CNTN5: variants seen among roughly 807,000 people sequenced by gnomAD.
CNTN5 encodes the protein contactin-5.
CNTN5 carries 77 observed loss-of-function variants against 129.1 expected under a neutral mutation model. The observed-to-expected ratio is 0.60, with a 90% CI of 0.50 to 0.72. CNTN5 has a LOEUF of 0.72. Ranked by LOEUF, CNTN5 falls within the 30% of genes least tolerant of loss-of-function variation. CNTN5 has a pLI of 0.00. For synonymous variants in CNTN5, 509 were observed against 465.6 expected, an observed-to-expected ratio of 1.09 and a Z score of -1.20; for missense variants, 1,478 against 1,328.8, an observed-to-expected ratio of 1.11 and a Z score of -1.75.
chr11:99,635,428 C>T (rs778961615), intron 3 of CNTN5, among the ~76,000 whole-genome samples: 38 of 152,182 alleles, frequency 2.5e-4, no homozygotes, highest in African/African-American at 7.5e-4. Context: ...ACAGCCTGGA[C>T]AGCGTAGAGC....
At chr11:100,180,341 C>CA (rs925328515) in intron 13 of CNTN5, among the ~76,000 whole-genome samples, 3 of 151,622 alleles carry the variant, frequency 2.0e-5, no homozygotes, top group African/African-American at 4.8e-5. Flanking sequence ...TTGACAAAAG[C>CA]AAAAAAGTAA....
At position 99,981,727 on chromosome 11, in the gene CNTN5, A is replaced by G. The variant is rs1285498590; in HGVS notation, c.878-20307A>G. 2.0e-5 allele frequency among the ~76,000 whole-genome samples: 3 copies of G among 152,328 alleles called. No homozygotes were observed. In the South Asian group the frequency reaches 6.2e-4, roughly 32 times the overall value. ...GATGTCTTCCTGGTCCTGAGTAATT[A>G]TAAATTCTTTAATGTATTTGAGGAT... On this transcript the variant is annotated intron_variant, in intron 8 of 24. Coordinates refer to ENST00000524871, the MANE Select transcript of CNTN5 (RefSeq NM_014361.4).
At chr11:99,400,762 A>G (rs1159142152) in intron 2 of CNTN5, among the ~76,000 whole-genome samples, 3 of 152,114 alleles carry the variant, frequency 2.0e-5, no homozygotes, top group Non-Finnish European at 4.4e-5. Context: ...TCTTTTGGAT[A>G]TAAGCCATTT....
At chr11:99,968,614 GTT>G (rs1951159518) in intron 8 of CNTN5, among the ~76,000 whole-genome samples, 1 of 114,860 alleles carries the variant, frequency 8.7e-6, no homozygotes, top group South Asian at 3.0e-4. Context: ...TGATTAGTCT[GTT>G]TATCATAAAG....
intron 9 of CNTN5, among the ~76,000 whole-genome samples, chr11:100,028,376 G>A (rs61910094): frequency 0.071 from 10,733 of 152,120 alleles, 481 homozygotes; most frequent in East Asian, 0.16. Flanking sequence ...TCTCTGAACT[G>A]CATTTTCAAA....
At chr11:99,418,784 G>A (rs377630645) in intron 2 of CNTN5, among the ~76,000 whole-genome samples, 2 of 151,908 alleles carry the variant, frequency 1.3e-5, no homozygotes. Context: ...AGTATCTGTC[G>A]AATCATGTCG....
chr11:99,985,026 C>T (rs550988837), intron 8 of CNTN5, among the ~76,000 whole-genome samples: 82 of 152,272 alleles, frequency 5.4e-4, no homozygotes, highest in African/African-American at 1.9e-3. Flanking sequence ...GTGAGGGTGC[C>T]TGCAACGGTG....
chr11:99,752,148 T>C (rs1591095196), intron 3 of CNTN5, among the ~76,000 whole-genome samples: 1 of 152,292 alleles, frequency 6.6e-6, no homozygotes, highest in Non-Finnish European at 1.5e-5. Flanking sequence ...ATGTAATTGC[T>C]CCCTCTCTGC....
At chr11:100,016,867 C>T (rs575769745) in intron 9 of CNTN5, among the ~76,000 whole-genome samples, 3 of 151,228 alleles carry the variant, frequency 2.0e-5, no homozygotes, top group South Asian at 2.1e-4. Flanking sequence ...CTTGTGTGAC[C>T]GGTCACTGGT....
At chr11:99,366,572 T>C (rs962762861) in intron 2 of CNTN5, among the ~76,000 whole-genome samples, 6 of 152,266 alleles carry the variant, frequency 3.9e-5, no homozygotes, top group African/African-American at 1.4e-4. Flanking sequence ...TTAATAGTTA[T>C]AATTAAAAAT....
At chr11:99,993,543 T>C (rs1191558821) in intron 8 of CNTN5, among the ~76,000 whole-genome samples, 2 of 152,118 alleles carry the variant, frequency 1.3e-5, no homozygotes, top group African/African-American at 4.8e-5. Flanking sequence ...TAGATTCTCA[T>C]AAGGATTATG....
At chr11:99,594,789 CA>C (rs1431636830) in intron 3 of CNTN5, among the ~76,000 whole-genome samples, 5 of 152,150 alleles carry the variant, frequency 3.3e-5, no homozygotes, top group African/African-American at 1.2e-4. Context: ...TCCAGCACAA[CA>C]ATGTAAAAGG....
chr11:100,122,348 G>T (rs73563181), intron 13 of CNTN5, among the ~76,000 whole-genome samples: 2 of 152,092 alleles, frequency 1.3e-5, no homozygotes, highest in Admixed American at 1.3e-4. Context: ...TTCCTCTTGC[G>T]TCTCTTTTTG....
intron 1 of CNTN5, among the ~76,000 whole-genome samples, chr11:99,023,550 A>G (rs1862980966): frequency 6.6e-6 from 1 of 152,208 alleles, no homozygotes; most frequent in Admixed American, 6.5e-5. Flanking sequence ...AATAAAAATG[A>G]TGAAAACTTC....
intron 18 of CNTN5, among the ~76,000 whole-genome samples, chr11:100,280,793 G>A (rs1225397970): frequency 6.6e-6 from 1 of 151,884 alleles, no homozygotes; most frequent in Non-Finnish European, 1.5e-5. Flanking sequence ...ATTAGTGAAG[G>A]TGTTTTTCTC....
chr11:99,712,766 T>A (rs1160094186), intron 3 of CNTN5, among the ~76,000 whole-genome samples: 1 of 152,054 alleles, frequency 6.6e-6, no homozygotes, highest in Non-Finnish European at 1.5e-5. Context: ...TTTTGTCACG[T>A]TTTTTAAAGA....
At chr11:99,068,805 T>G (rs1865213251) in intron 1 of CNTN5, among the ~76,000 whole-genome samples, 1 of 152,172 alleles carries the variant, frequency 6.6e-6, no homozygotes, top group African/African-American at 2.4e-5. Flanking sequence ...ATATTTTGTT[T>G]GAGTAAATAG....
chr11:99,341,622 G>A (rs904583596), intron 2 of CNTN5, among the ~76,000 whole-genome samples: 3 of 152,142 alleles, frequency 2.0e-5, no homozygotes, highest in East Asian at 3.9e-4. Flanking sequence ...GCTATGGTCA[G>A]TAAGTCACAT....
intron 17 of CNTN5, among the ~76,000 whole-genome samples, chr11:100,265,268 G>A (rs749815641): frequency 3.9e-5 from 6 of 152,036 alleles, no homozygotes; most frequent in Admixed American, 1.3e-4. Context: ...TCTCCAAAAC[G>A]CACCATTAAT....
Sources: gnomAD v4.1 joint callset for allele counts (sites outside exome capture counted in the v4.1 genomes callset) on GRCh38, gnomAD v4.1.1 for gene constraint, MANE v1.5 for transcripts, NCBI Gene and HGNC (gene_info 2026-07-23, HGNC 2026-07-21) for gene names.